The following PCDH15 variants were observed in gnomAD, a reference collection of about 807,000 sequenced individuals.
The protein encoded by PCDH15 is protocadherin-15.
PCDH15 carries 129 observed loss-of-function variants against 178.5 expected under a neutral mutation model. The observed-to-expected ratio is 0.72, with a 90% CI of 0.63 to 0.84. PCDH15 has a LOEUF of 0.84. Ranked by LOEUF, PCDH15 falls within the 40% of genes least tolerant of loss-of-function variation. The probability of loss-of-function intolerance (pLI) is 0.00; values close to 1 mark genes in which losing one functional copy is unlikely to be tolerated. For synonymous variants in PCDH15, 800 were observed against 732.0 expected, an observed-to-expected ratio of 1.09 and a Z score of -1.50; for missense variants, 2,230 against 2,099.9, an observed-to-expected ratio of 1.06 and a Z score of -1.21.
chr10:54,896,109 A>T (rs113829447), intron 3 of PCDH15, among the ~76,000 whole-genome samples: 34,211 of 151,848 alleles, frequency 0.23, 4,538 homozygotes, highest in Non-Finnish European at 0.31. Context: ...CTGGTCTCGA[A>T]CTCCTGACCT....
In PCDH15 at chr10:54,107,166, G is replaced by A. The variant is rs2094931115; in HGVS notation, c.1918-17103C>T. Among the ~76,000 whole-genome samples, 2 of 152,070 alleles carry A rather than the reference G, an allele frequency of 1.3e-5. 1 individual carries two copies. The highest frequency in any genetic ancestry group is 4.8e-5 in the African/African-American group (2 of 41,400). ...AGAATTTTCTATTTTGTTATGTTCT[G>A]TTCTCTTATATACTACTTGATTTCA... On this transcript the variant is annotated intron_variant, in intron 15 of 37. Coordinates refer to ENST00000644397, the MANE Select transcript of PCDH15 (RefSeq NM_001384140.1).
intron 2 of PCDH15, among the ~76,000 whole-genome samples, chr10:55,463,716 T>C (rs1839728369): frequency 6.6e-6 from 1 of 151,840 alleles, no homozygotes; most frequent in South Asian, 2.1e-4. Flanking sequence ...GCATTACATT[T>C]TTCAACTGCG....
intron 7 of PCDH15, among the ~76,000 whole-genome samples, chr10:54,323,655 A>G (rs368840405): frequency 2.9e-4 from 44 of 152,062 alleles, no homozygotes; most frequent in African/African-American, 1.0e-3. Context: ...TTTCAATGGG[A>G]GCTAAACACC....
intron 3 of PCDH15, among the ~76,000 whole-genome samples, chr10:54,829,147 A>C (rs1245010787): frequency 6.6e-6 from 1 of 152,034 alleles, no homozygotes; most frequent in African/African-American, 2.4e-5. Flanking sequence ...CTCAAGTGTG[A>C]TGAATAGGCA....
chr10:54,409,327 T>A lies in PCDH15; in HGVS notation c.158-30385A>T, dbSNP rs539827733. 4.6e-5 allele frequency among the ~76,000 whole-genome samples: 7 copies of A among 152,304 alleles called. No homozygotes were observed. The South Asian group carries it at 1.4e-3, about 32-fold the overall frequency. ...ATTCCTGGCAGGTCAAAACAGAATC[T>A]ATTTCTTCCACCCTTTCAATCATAT... On this transcript the variant is annotated intron_variant, in intron 3 of 37. Transcript: ENST00000644397.
chr10:53,821,415 A>G (rs998762430), intron 32 of PCDH15: 4 of 999,580 alleles, frequency 4.0e-6, no homozygotes, highest in South Asian at 4.3e-5. Flanking sequence ...TCAAGAAAAA[A>G]CAGAACCTAT....
At chr10:54,676,730 GAA>G (rs1209924292) in intron 1 of PCDH15, among the ~76,000 whole-genome samples, 10 of 152,058 alleles carry the variant, frequency 6.6e-5, no homozygotes, top group Non-Finnish European at 1.2e-4. Context: ...TCTAAACTAT[GAA>G]AAGTCTACTA....
At chr10:54,128,045 T>C (rs991226202) in intron 15 of PCDH15, among the ~76,000 whole-genome samples, 6 of 152,166 alleles carry the variant, frequency 3.9e-5, no homozygotes, top group African/African-American at 1.4e-4. Flanking sequence ...CCTCTGGTGC[T>C]GGGATAGAGA....
chr10:55,006,530 T>C (rs897910417), intron 2 of PCDH15, among the ~76,000 whole-genome samples: 1 of 152,242 alleles, frequency 6.6e-6, no homozygotes, highest in Non-Finnish European at 1.5e-5. Flanking sequence ...AGAGAAATTA[T>C]ATTCCTCTTG....
At chr10:54,092,289 A>T (rs559314608) in intron 15 of PCDH15, among the ~76,000 whole-genome samples, 1 of 152,140 alleles carries the variant, frequency 6.6e-6, no homozygotes, top group African/African-American at 2.4e-5. Context: ...CACCTTCCTC[A>T]TGGATTATGG....
chr10:55,294,217 A>G (rs1281163447), intron 1 of PCDH15, among the ~76,000 whole-genome samples: 1 of 151,998 alleles, frequency 6.6e-6, no homozygotes, highest in Non-Finnish European at 1.5e-5. Context: ...AACAGGAAAA[A>G]CCTGTCCCCA....
intron 2 of PCDH15, among the ~76,000 whole-genome samples, chr10:55,556,528 G>A (rs1237870208): frequency 6.6e-6 from 1 of 152,006 alleles, no homozygotes; most frequent in African/African-American, 2.4e-5. Flanking sequence ...TGTAGACTGG[G>A]TTTAAAAGTT....
intron 1 of PCDH15, among the ~76,000 whole-genome samples, chr10:55,289,570 TA>T (rs1280302786): frequency 6.6e-6 from 1 of 151,900 alleles, no homozygotes; most frequent in Non-Finnish European, 1.5e-5. Flanking sequence ...AAGAAAACAT[TA>T]CTCTAGAGCT....
At chr10:55,116,173 C>T (rs970961170) in intron 2 of PCDH15, among the ~76,000 whole-genome samples, 2 of 152,108 alleles carry the variant, frequency 1.3e-5, no homozygotes, top group Non-Finnish European at 1.5e-5. Context: ...ATGAGCCAAT[C>T]TTAGAACCAG....
intron 2 of PCDH15, among the ~76,000 whole-genome samples, chr10:55,332,791 C>T (rs1025495769): frequency 1.3e-5 from 2 of 152,222 alleles, no homozygotes; most frequent in Non-Finnish European, 2.9e-5. Context: ...TTTTGCCTGC[C>T]ACCATGTAAG....
At chr10:55,445,413 T>C (rs1839293655) in intron 2 of PCDH15, among the ~76,000 whole-genome samples, 1 of 152,144 alleles carries the variant, frequency 6.6e-6, no homozygotes, top group Non-Finnish European at 1.5e-5. Context: ...CAACCTTGTT[T>C]GTATTCTGAC....
At chr10:54,400,414 T>G (rs1278722103) in intron 3 of PCDH15, among the ~76,000 whole-genome samples, 1 of 152,130 alleles carries the variant, frequency 6.6e-6, no homozygotes, top group South Asian at 2.1e-4. Flanking sequence ...TTTTTCACTC[T>G]ACTAGCCCTA....
Position 54,891,161 on chromosome 10 carries a change from T to C in PCDH15, c.-29+6289A>G, listed in dbSNP as rs74138817. ...TCAAAAGGCAACTGAAAATTAGGAGTTTTTTCATGTCTTTTGGGTGCCAGA... is the reference window on the plus strand; with the variant it reads ...TCAAAAGGCAACTGAAAATTAGGAGCTTTTTCATGTCTTTTGGGTGCCAGA... On this transcript the variant is annotated intron_variant, in intron 3 of 5. Coordinates refer to the PCDH15 transcript ENST00000458638. Among the ~76,000 whole-genome samples the C allele has an allele frequency of 2.1e-3, 313 of 150,804 alleles. 1 individual carries two copies. Among genetic ancestry groups the C allele is most frequent in the African/African-American group, 7.3e-3 (300 of 41,030 alleles).
At chr10:54,333,987 G>A (rs1940461167) in intron 6 of PCDH15, among the ~76,000 whole-genome samples, 1 of 152,158 alleles carries the variant, frequency 6.6e-6, no homozygotes, top group South Asian at 2.1e-4. Context: ...CTAAAGCCAG[G>A]ACATTGCCCC....
Sources: allele counts gnomAD v4.1 joint callset (sites outside exome capture counted in the v4.1 genomes callset), GRCh38; gene constraint gnomAD v4.1.1; transcripts MANE v1.5; gene names NCBI Gene and HGNC (gene_info 2026-07-23, HGNC 2026-07-21).